COL23A1: variants seen among roughly 807,000 people sequenced by gnomAD.
COL23A1 encodes the protein collagen alpha-1(XXIII) chain.
Under a neutral mutation model 99.3 loss-of-function variants are expected in COL23A1, and 97 were observed. The observed-to-expected ratio is 0.98, with a 90% CI of 0.83 to 1.16. COL23A1 has a LOEUF of 1.16. Among genes scored for constraint, COL23A1 ranks in the 50% most tolerant of loss-of-function variants. COL23A1 has a pLI of 0.00. For missense variants in COL23A1, 762 were observed against 757.4 expected, an observed-to-expected ratio of 1.01 and a Z score of -0.07; for synonymous variants, 320 against 308.2, an observed-to-expected ratio of 1.04 and a Z score of -0.40.
chr5:178,484,609 G>C (rs190342443), intron 2 of COL23A1, among the ~76,000 whole-genome samples: 16 of 152,054 alleles, frequency 1.1e-4, no homozygotes, highest in Admixed American at 5.9e-4. Flanking sequence ...GGATCACGAG[G>C]TCGGGAGATT....
chr5:178,352,296 T>C (rs1410260035), intron 2 of COL23A1: 3 of 152,176 alleles, frequency 2.0e-5, no homozygotes, highest in Admixed American at 6.5e-5. Context: ...CTTCTCTCTC[T>C]TAAAAGAAGA....
chr5:178,374,539 C>A (rs1351800710), intron 2 of COL23A1, among the ~76,000 whole-genome samples: 1 of 152,216 alleles, frequency 6.6e-6, no homozygotes, highest in Non-Finnish European at 1.5e-5. Context: ...CCACCTGTGA[C>A]TTCTCTGTGC....
chr5:178,425,323 G>A (rs1466970427), intron 2 of COL23A1, among the ~76,000 whole-genome samples: 1 of 152,048 alleles, frequency 6.6e-6, no homozygotes, highest in Admixed American at 6.6e-5. Context: ...TCGGGAGGCT[G>A]AGGCAGGAGA....
intron 6 of COL23A1, among the ~76,000 whole-genome samples, chr5:178,269,629 T>TCCAC (rs1756164520): frequency 7.6e-6 from 1 of 132,138 alleles, no homozygotes; most frequent in Non-Finnish European, 1.6e-5. Context: ...CATCCATTCA[T>TCCAC]CCACCCATCC....
In COL23A1 at chr5:178,246,436, C is replaced by A; in HGVS notation, c.1314G>T (p.Lys438Asn). The A allele has an allele frequency of 6.4e-7, 1 of 1,574,144 alleles. No homozygotes were observed. The part of the protein sequence containing the change: ...IQGPKGLDGA[K>N]GEKGASGERG... ...TCTCACCCGACGCACCCTTCTCTCC[C>A]TTTGCTCCATCCAAGCCCTGGAGGC... The change falls in exon 23 of 29, where the codon AAG (lysine) becomes AAT (asparagine). Residue 438 changes from lysine to asparagine, a missense_variant. Coordinates refer to ENST00000390654, the MANE Select transcript of COL23A1 (RefSeq NM_173465.4).
At chr5:178,249,712 ACACACT>A (rs1181807156) in intron 18 of COL23A1, among the ~76,000 whole-genome samples, 125 of 90,636 alleles carry the variant, frequency 1.4e-3, no homozygotes, top group Non-Finnish European at 2.2e-3. Context: ...ACACACACAC[ACACACT>A]CTCTCTCTCT....
chr5:178,310,175 G>A lies in COL23A1; in HGVS notation c.362-3256C>T, dbSNP rs543782622. On this transcript the variant is annotated intron_variant, in intron 2 of 28. Transcript: ENST00000390654. The surrounding 1 kb of genome is among the most constrained non-coding windows in gnomAD (Gnocchi z 4.3). The stretch of plus-strand genomic sequence containing the variant: ...GGCCCTGGGAGAGGGCGAGTGTGCC[G>A]GAGCTGCACTCCCTGCTGACTGTGG... Among the ~76,000 whole-genome samples, 2 of 152,318 alleles carry A rather than the reference G, an allele frequency of 1.3e-5. No homozygotes were observed. The highest frequency in any genetic ancestry group is 2.1e-4 in the South Asian group (1 of 4,832).
In COL23A1 at chr5:178,330,517, T is replaced by C. The variant is rs1759958032; in HGVS notation, c.362-23598A>G. 2.6e-5 allele frequency among the ~76,000 whole-genome samples: 4 copies of C among 152,050 alleles called. No homozygotes were observed. The South Asian group carries it at 6.2e-4, about 24-fold the overall frequency. ...CAAAAAAATACTATATATGTACATA[T>C]ATGGTGTGCACCTGTAGTCTCAGCT... On this transcript the variant is annotated intron_variant, in intron 2 of 28. Coordinates refer to ENST00000390654, the MANE Select transcript of COL23A1 (RefSeq NM_173465.4).
At position 178,238,598 on chromosome 5, in the gene COL23A1, A is replaced by C; in HGVS notation, c.*100T>G. The C allele has an allele frequency of 1.2e-4, 165 of 1,370,844 alleles. No homozygotes were observed. Among genetic ancestry groups the C allele is most frequent in the Middle Eastern group, 5.1e-4 (2 of 3,944 alleles). The allele number at this position is 1,370,844 out of a possible 1,614,324, so 84.9% of individuals were successfully genotyped here. On this transcript the variant is annotated 3_prime_UTR_variant, in exon 29 of 29. Transcript: ENST00000390654. ...TCTTGAATGTTAAAAGGCCACAGGT[A>C]GCGCATTCCATGAAAAAAGATCAAT...
rs916465560 is a variant in COL23A1 at position 178,313,730 on chromosome 5, T to C, written c.362-6811A>G. ...CTGGAAGCCCCTTTATATGACCCTCTTCCCAGAACTTTGGGAGGAAGTGGG... is the reference window on the plus strand; with the variant it reads ...CTGGAAGCCCCTTTATATGACCCTCCTCCCAGAACTTTGGGAGGAAGTGGG... On this transcript the variant is annotated intron_variant, in intron 2 of 28. Transcript: ENST00000390654. This position sits in a 1 kb window ranked among gnomAD's most constrained non-coding sequence, Gnocchi z 4.2. Among the ~76,000 whole-genome samples, 1 of 152,134 alleles carries C rather than the reference T, an allele frequency of 6.6e-6. No individual in the cohort carries two copies. Among genetic ancestry groups the C allele is most frequent in the Non-Finnish European group, 1.5e-5 (1 of 68,018 alleles).
intron 2 of COL23A1, among the ~76,000 whole-genome samples, chr5:178,496,306 C>T (rs1448408015): frequency 6.6e-6 from 1 of 152,110 alleles, no homozygotes; most frequent in East Asian, 1.9e-4. Context: ...TCACTCTGCC[C>T]CTGCTCCACA....
chr5:178,452,036 G>A (rs558919387), intron 2 of COL23A1, among the ~76,000 whole-genome samples: 1 of 152,162 alleles, frequency 6.6e-6, no homozygotes, highest in South Asian at 2.1e-4. Context: ...AGCTAAAAAT[G>A]CAAAAGTAGC....
At chr5:178,293,313 G>C (rs866007447) in intron 3 of COL23A1, among the ~76,000 whole-genome samples, 2 of 152,036 alleles carry the variant, frequency 1.3e-5, no homozygotes, top group Non-Finnish European at 2.9e-5. Context: ...GCACAGATGG[G>C]GGCCTGGACA....
chr5:178,281,557 G>A lies in COL23A1; in HGVS notation c.441+6767C>T, dbSNP rs918826981. Among the ~76,000 whole-genome samples, 45 of 152,122 alleles carry A rather than the reference G, an allele frequency of 3.0e-4. No homozygotes were observed. The highest frequency in any genetic ancestry group is 9.2e-4 in the African/African-American group (38 of 41,444). On this transcript the variant is annotated intron_variant, in intron 5 of 28. Coordinates refer to ENST00000390654, the MANE Select transcript of COL23A1 (RefSeq NM_173465.4). This position sits in a 1 kb window ranked among gnomAD's most constrained non-coding sequence, Gnocchi z 4.0. ...CTCCGGGGCCCAGGAGGTGCCGTGC[G>A]TGTGGTTTTGGGTGTGCTCAGAGCT... is the stretch of plus-strand genomic sequence containing the variant.
intron 2 of COL23A1, among the ~76,000 whole-genome samples, chr5:178,558,078 C>T (rs1414573401): frequency 1.3e-5 from 2 of 151,518 alleles, no homozygotes; most frequent in African/African-American, 2.4e-5. Flanking sequence ...GTCTACCAAG[C>T]CTTCCTCTCG....
rs772040709 is a variant in COL23A1, at chr5:178,357,998, GTATA to G, written c.362-51083_362-51080del. Among the ~76,000 whole-genome samples, 20 of 146,488 alleles carry G rather than the reference GTATA, an allele frequency of 1.4e-4. 1 individual carries two copies. The highest frequency in any genetic ancestry group is 6.8e-5 in the Admixed American group (1 of 14,692). On this transcript the variant is annotated intron_variant, in intron 2 of 28. Transcript: ENST00000390654. Reference sequence around the variant, plus strand: ...TGTATATATGTGTGTATGCGTGTGTGTATATGTATGTGTGTGTATGTGTGTGTAT... The same window carrying G: ...TGTATATATGTGTGTATGCGTGTGTGTGTATGTGTGTGTATGTGTGTGTAT...
intron 2 of COL23A1, among the ~76,000 whole-genome samples, chr5:178,512,790 C>T (rs986247925): frequency 6.6e-6 from 1 of 152,348 alleles, no homozygotes. Context: ...GACAACAGAG[C>T]ACTCACTGAG....
chr5:178,256,236 C>G, intron 15 of COL23A1, 117 bp downstream of exon 15: 2 of 630,870 alleles, frequency 3.2e-6, no homozygotes, highest in Non-Finnish European at 4.9e-6. Context: ...AAGTAAAATA[C>G]TCCCAGTTCC....
rs113626473 is a variant in COL23A1, at chr5:178,307,125, C to G, written c.362-206G>C. Among the ~76,000 whole-genome samples the G allele has an allele frequency of 1.3e-5, 2 of 152,146 alleles. No individual in the cohort carries two copies. Among genetic ancestry groups the G allele is most frequent in the Middle Eastern group, 3.2e-3 (1 of 316 alleles). On this transcript the variant is annotated intron_variant, in intron 2 of 28. Coordinates refer to ENST00000390654, the MANE Select transcript of COL23A1 (RefSeq NM_173465.4). The surrounding 1 kb of genome is among the most constrained non-coding windows in gnomAD (Gnocchi z 4.2). ...TACCTCGCCTGTTCCGCCAACCCCC[C>G]TCCCCAGGTGGCCGCATCCCTCATG... is the stretch of plus-strand genomic sequence containing the variant.
Sources: allele counts gnomAD v4.1 joint callset (sites outside exome capture counted in the v4.1 genomes callset), GRCh38; gene constraint gnomAD v4.1.1; non-coding constraint Gnocchi (gnomAD v3.1); transcripts MANE v1.5; gene names NCBI Gene and HGNC (gene_info 2026-07-23, HGNC 2026-07-21).